CSMD1: variants seen among roughly 807,000 people sequenced by gnomAD.
CSMD1 encodes CUB and Sushi multiple domains 1.
CSMD1 carries 213 observed loss-of-function variants against 417.5 expected under a neutral mutation model. That is an observed-to-expected ratio of 0.51 (90% CI 0.46 to 0.57). The LOEUF (loss-of-function observed/expected upper bound fraction) is 0.57. Ranked by LOEUF, CSMD1 falls within the 20% of genes least tolerant of loss-of-function variation. The pLI, the probability that CSMD1 is intolerant of heterozygous loss-of-function variation, is 0.00. For missense variants in CSMD1, 6,923 were observed against 4,529.7 expected (o/e 1.53, Z -15.17); for synonymous variants, 2,862 against 1,736.8 (o/e 1.65, Z -16.11).
At chr8:3,593,846 CTCTATTTT>C (rs1298312645) in intron 8 of CSMD1, among the ~76,000 whole-genome samples, 1 of 152,140 alleles carries the variant, frequency 6.6e-6, no homozygotes, top group Non-Finnish European at 1.5e-5. Context: ...CTCTCTCTTT[CTCTATTTT>C]TCTCTTTCCC....
At chr8:4,061,753 C>G (rs1179434575) in intron 3 of CSMD1, among the ~76,000 whole-genome samples, 2 of 152,170 alleles carry the variant, frequency 1.3e-5, no homozygotes, top group African/African-American at 2.4e-5. Flanking sequence ...TGAGTCACCT[C>G]TCTGCATGTT....
intron 3 of CSMD1, among the ~76,000 whole-genome samples, chr8:4,102,331 A>G (rs916130452): frequency 6.6e-6 from 1 of 152,210 alleles, no homozygotes; most frequent in Non-Finnish European, 1.5e-5. Context: ...TTAAACAAAT[A>G]TGTAGAATTT....
At chr8:4,213,235 T>C (rs1302461826) in intron 3 of CSMD1, among the ~76,000 whole-genome samples, 1 of 152,158 alleles carries the variant, frequency 6.6e-6, no homozygotes, top group African/African-American at 2.4e-5. Flanking sequence ...ATGAACCAGC[T>C]GGGTGGCTCC....
chr8:4,207,553 A>G (rs1334296601), intron 3 of CSMD1, among the ~76,000 whole-genome samples: 3 of 152,136 alleles, frequency 2.0e-5, no homozygotes, highest in Admixed American at 1.3e-4. Flanking sequence ...TCAATAGAAA[A>G]TAATGTTAAG....
chr8:3,949,191 C>G (rs955593213), intron 5 of CSMD1, among the ~76,000 whole-genome samples: 1 of 152,142 alleles, frequency 6.6e-6, no homozygotes, highest in African/African-American at 2.4e-5. Flanking sequence ...ACATCCTTAT[C>G]ATTTCTTTAT....
rs148273907 is a variant in CSMD1, at chr8:4,626,054, C to T, written c.302+11288G>A. ...TGATATATTTTTGATGGGACTATCA[C>T]GGACTTGTAAGAACTGACATTACAA... On this transcript the variant is annotated intron_variant, in intron 2 of 69. Transcript: ENST00000635120. 4.0e-3 allele frequency among the ~76,000 whole-genome samples: 613 copies of T among 152,210 alleles called. 7 individuals carry two copies. Among genetic ancestry groups the T allele is most frequent in the African/African-American group, 0.014 (585 of 41,516 alleles).
intron 5 of CSMD1, among the ~76,000 whole-genome samples, chr8:3,955,347 A>G (rs1811871640): frequency 6.6e-6 from 1 of 152,238 alleles, no homozygotes; most frequent in South Asian, 2.1e-4. Context: ...CCACAGAAAC[A>G]AAAACCATAC....
intron 1 of CSMD1, among the ~76,000 whole-genome samples, chr8:4,894,433 T>C (rs1804338750): frequency 6.6e-6 from 1 of 151,828 alleles, no homozygotes; most frequent in Non-Finnish European, 1.5e-5. Context: ...GTATTTTGCT[T>C]TAAGAGCTGC....
At chr8:4,513,357 C>G (rs550740044) in intron 2 of CSMD1, among the ~76,000 whole-genome samples, 3 of 152,220 alleles carry the variant, frequency 2.0e-5, no homozygotes, top group African/African-American at 7.2e-5. Flanking sequence ...AACATCGAAG[C>G]TACTATAGCG....
chr8:3,500,119 A>C (rs1054516825), intron 10 of CSMD1, among the ~76,000 whole-genome samples: 1 of 152,024 alleles, frequency 6.6e-6, no homozygotes, highest in African/African-American at 2.4e-5. Context: ...AACGGATCCT[A>C]CCTGCGCACT....
intron 2 of CSMD1, among the ~76,000 whole-genome samples, chr8:4,492,802 A>G (rs1801772257): frequency 6.6e-6 from 1 of 152,226 alleles, no homozygotes; most frequent in South Asian, 2.1e-4. Flanking sequence ...ATCCTTATTC[A>G]GAGCACACAG....
intron 3 of CSMD1, among the ~76,000 whole-genome samples, chr8:4,347,599 T>C (rs1800845314): frequency 6.6e-6 from 1 of 152,182 alleles, no homozygotes; most frequent in Non-Finnish European, 1.5e-5. Context: ...AATGTAGATA[T>C]TGGCCATCTG....
At chr8:3,587,740 C>G (rs1305949734) in intron 8 of CSMD1, among the ~76,000 whole-genome samples, 1 of 152,048 alleles carries the variant, frequency 6.6e-6, no homozygotes, top group African/African-American at 2.4e-5. Context: ...GGCATCTCAT[C>G]TTAATAAAAC....
chr8:3,127,573 A>T (rs1198940069), intron 41 of CSMD1: 2 of 152,240 alleles, frequency 1.3e-5, no homozygotes, highest in African/African-American at 2.4e-5. Flanking sequence ...CATTTCACAT[A>T]AAATTCAGCA....
intron 3 of CSMD1, among the ~76,000 whole-genome samples, chr8:4,206,830 T>A (rs1800008970): frequency 6.6e-6 from 1 of 152,240 alleles, no homozygotes; most frequent in Non-Finnish European, 1.5e-5. Flanking sequence ...TTTGAGTGAT[T>A]ATTTTGTGGG....
chr8:3,896,661 G>A lies in CSMD1; in HGVS notation c.818+101242C>T, dbSNP rs574552313. 5.0e-3 allele frequency among the ~76,000 whole-genome samples: 761 copies of A among 151,956 alleles called. 2 individuals carry two copies. The highest frequency in any genetic ancestry group is 7.9e-3 in the African/African-American group (327 of 41,426). On this transcript the variant is annotated intron_variant, in intron 5 of 69. Coordinates refer to ENST00000635120, the MANE Select transcript of CSMD1 (RefSeq NM_033225.6). Reference sequence around the variant, plus strand: ...CGAGTAGCTGGGACTACAGGCGCCCGCCACCACACTGGCTAATTTTTCTTA... The same window carrying A: ...CGAGTAGCTGGGACTACAGGCGCCCACCACCACACTGGCTAATTTTTCTTA...
intron 3 of CSMD1, among the ~76,000 whole-genome samples, chr8:4,042,577 T>C (rs1057090778): frequency 9.9e-5 from 15 of 151,926 alleles, no homozygotes; most frequent in African/African-American, 2.4e-4. Context: ...GGTAATAGCA[T>C]AGTAAGGAAT....
intron 1 of CSMD1, among the ~76,000 whole-genome samples, chr8:4,827,470 AC>A (rs1321873921): frequency 1.3e-5 from 2 of 152,180 alleles, no homozygotes; most frequent in East Asian, 3.9e-4. Flanking sequence ...GCAAGTCAAA[AC>A]AAAGTGCACT....
At chr8:4,676,419 C>T (rs1178913838) in intron 1 of CSMD1, among the ~76,000 whole-genome samples, 1 of 152,156 alleles carries the variant, frequency 6.6e-6, no homozygotes, top group African/African-American at 2.4e-5. Context: ...TCAACCACTT[C>T]TGGGAGCCTC....
Sources: gnomAD v4.1 joint callset for allele counts (sites outside exome capture counted in the v4.1 genomes callset) on GRCh38, gnomAD v4.1.1 for gene constraint, MANE v1.5 for transcripts, NCBI Gene and HGNC (gene_info 2026-07-23, HGNC 2026-07-21) for gene names.